EPHX1: variants seen among roughly 807,000 people sequenced by gnomAD.
EPHX1 encodes the protein epoxide hydrolase 1, also known as epoxide hydratase.
In EPHX1, 40 loss-of-function variants were observed where a neutral mutation model predicts 43.2. The ratio of observed to expected loss-of-function variants is 0.93; its 90% CI spans 0.72 to 1.21. The LOEUF (loss-of-function observed/expected upper bound fraction) is 1.21, where lower values mean the gene tolerates loss of function less well. Ranked by LOEUF, EPHX1 falls within the 50% of genes most tolerant of loss-of-function variation. EPHX1 has a pLI of 0.00. For synonymous variants in EPHX1, 221 were observed against 226.7 expected, an observed-to-expected ratio of 0.98 and a Z score of 0.22; for missense variants, 550 against 570.4, an observed-to-expected ratio of 0.96 and a Z score of 0.36.
At chr1:225,819,392 C>T (rs777310541) in intron 1 of EPHX1, among the ~76,000 whole-genome samples, 4 of 150,806 alleles carry the variant, frequency 2.7e-5, no homozygotes, top group African/African-American at 4.9e-5. Flanking sequence ...CAGAGAGAGA[C>T]TCCATCTAAA....
rs191197284 is a variant in EPHX1, at chr1:225,842,735, C to T, written c.1040+261C>T. Among the ~76,000 whole-genome samples, 953 of 152,298 alleles carry T rather than the reference C, an allele frequency of 6.3e-3. 2 individuals are homozygous for T. The highest frequency in any genetic ancestry group is 0.011 in the Non-Finnish European group (721 of 68,036). On this transcript the variant is annotated intron_variant, in intron 7 of 8. Transcript: ENST00000272167. ...CTTGTGCTCCTTTTGCTGAACAGGC[C>T]CCTCTGGGGATTAGGGAGCCCACAG...
Position 225,817,956 on chromosome 1 carries a change from A to T in EPHX1, c.-6+7787A>T, listed in dbSNP as rs1666803410. Among the ~76,000 whole-genome samples the T allele has an allele frequency of 6.6e-6, 1 of 152,094 alleles. No individual in the cohort carries two copies. The highest frequency in any genetic ancestry group is 1.5e-5 in the Non-Finnish European group (1 of 68,012). On this transcript the variant is annotated intron_variant, in intron 1 of 8. Coordinates refer to ENST00000272167, the MANE Select transcript of EPHX1 (RefSeq NM_001136018.4). This position sits in a 1 kb window ranked among gnomAD's most constrained non-coding sequence, Gnocchi z 5.7. ...AGGGGAGTCTTTGGGCAGGCGGTAG[A>T]CCTGCCCTTTACTTTGTGTGGCCGG... is the stretch of plus-strand genomic sequence containing the variant.
At chr1:225,812,489 T>C (rs1376789615) in intron 1 of EPHX1, among the ~76,000 whole-genome samples, 1 of 151,778 alleles carries the variant, frequency 6.6e-6, no homozygotes, top group East Asian at 1.9e-4. Flanking sequence ...GGAGGTGGAG[T>C]GACTCTCCTG....
At chr1:225,831,692 G>C in intron 2 of EPHX1, 87 bp from the exon 3 acceptor site, 1 of 1,375,874 alleles carries the variant, frequency 7.3e-7, no homozygotes, top group East Asian at 2.3e-5. Flanking sequence ...TGGCTGCAGG[G>C]TTTGCTGTGT....
At chr1:225,844,765 A>G in intron 8 of EPHX1, 142 bp downstream of exon 8, 2 of 1,376,306 alleles carry the variant, frequency 1.5e-6, no homozygotes, top group Non-Finnish European at 2.0e-6. Flanking sequence ...GGATGGGAAC[A>G]CTAAAGGTCG....
chr1:225,828,095 C>T (rs973810542), intron 1 of EPHX1, among the ~76,000 whole-genome samples: 1 of 152,178 alleles, frequency 6.6e-6, no homozygotes, highest in African/African-American at 2.4e-5. Flanking sequence ...CCTGTAATCC[C>T]AGCACTTTGG....
rs1191284204 is a variant in EPHX1, at chr1:225,839,305, G to C, written c.681G>C (p.Trp227Cys). The C allele has an allele frequency of 3.1e-6, 5 of 1,613,964 alleles. No homozygotes were observed. In the African/African-American group the frequency reaches 5.3e-5, roughly 17 times the overall value. ...FQEFYIQGGD[W>C]GSLICTNMAQ... Reference sequence around the variant, plus strand: ...AATTCTACATTCAAGGAGGGGACTGGGGGTCCCTGATCTGCACTAATATGG... The same window carrying C: ...AATTCTACATTCAAGGAGGGGACTGCGGGTCCCTGATCTGCACTAATATGG... The change falls in exon 5 of 9, where the codon TGG becomes TGC. Residue 227 changes from tryptophan (W) to cysteine (C), a missense_variant. Coordinates refer to ENST00000272167, the MANE Select transcript of EPHX1 (RefSeq NM_001136018.4).
At chr1:225,831,981 C>T (rs1183394338) in intron 3 of EPHX1, 22 bp downstream of exon 3, 23 of 1,611,644 alleles carry the variant, frequency 1.4e-5, no homozygotes, top group Non-Finnish European at 1.8e-5. Context: ...AAACGCCAGC[C>T]AGAGAGGGAT....
chr1:225,828,963 C>G, intron 2 of EPHX1, 51 bp downstream of exon 2: 1 of 1,547,824 alleles, frequency 6.5e-7, no homozygotes, highest in Non-Finnish European at 8.7e-7. Flanking sequence ...GGTGGTGTGT[C>G]GAAGACAGGG....
intron 1 of EPHX1, among the ~76,000 whole-genome samples, chr1:225,819,324 G>A (rs896631671): frequency 1.3e-5 from 2 of 151,674 alleles, no homozygotes; most frequent in African/African-American, 4.9e-5. Context: ...AGACTTGCTT[G>A]AACCAGGGCG....
At position 225,831,892 on chromosome 1, in the gene EPHX1, T is replaced by G; in HGVS notation, c.297T>G (p.Asn99Lys). 3 of 1,614,162 alleles carry G rather than the reference T, an allele frequency of 1.9e-6. No homozygotes were observed. Among genetic ancestry groups the G allele is most frequent in the Non-Finnish European group, 1.7e-6 (2 of 1,180,038 alleles). Residue 99 changes from asparagine (N) to lysine (K), a missense_variant, in exon 3 of 9, where the codon AAT becomes AAG. Asn to Lys is a moderately conservative substitution (Grantham distance 94). Transcript: ENST00000272167. ...AGAAAGTCATCTCCTACTGGCGGAA[T>G]GAATTTGACTGGAAGAAGCAGGTGG... ...YLKKVISYWR[N>K]EFDWKKQVEI...
chr1:225,811,235 T>A (rs2102669715), intron 1 of EPHX1, among the ~76,000 whole-genome samples: 1 of 152,358 alleles, frequency 6.6e-6, no homozygotes, highest in African/African-American at 2.4e-5. Context: ...TCTGGCTCCT[T>A]CCTTGCCCTG....
chr1:225,840,678 C>T lies in EPHX1; in HGVS notation c.931+641C>T, dbSNP rs1158020080. Among the ~76,000 whole-genome samples the T allele has an allele frequency of 2.6e-5, 4 of 152,152 alleles. No individual in the cohort carries two copies. In the East Asian group the frequency reaches 7.7e-4, roughly 29 times the overall value. On this transcript the variant is annotated intron_variant, in intron 6 of 8. Coordinates refer to ENST00000272167, the MANE Select transcript of EPHX1 (RefSeq NM_001136018.4). ...CTATGAACAAGAGTCATTCGCATTA[C>T]CCTCAGTTCTTTACAATTCACAGAA...
chr1:225,838,764 A>G lies in EPHX1; in HGVS notation c.475A>G (p.Lys159Glu). 2 of 1,614,072 alleles carry G rather than the reference A, an allele frequency of 1.2e-6. No individual in the cohort carries two copies. Among genetic ancestry groups the G allele is most frequent in the Non-Finnish European group, 1.7e-6 (2 of 1,180,004 alleles). Reference sequence around the variant, plus strand: ...GCCCGGCTCTTTCTACGAGTTTTATAAGATCATCCCACTCCTGACTGACCC... The same window carrying G: ...GCCCGGCTCTTTCTACGAGTTTTATGAGATCATCCCACTCCTGACTGACCC... ...GWPGSFYEFY[K>E]IIPLLTDPKN... Residue 159 changes from lysine (K) to glutamate (E), a missense_variant, in exon 4 of 9, where the codon AAG becomes GAG. Transcript: ENST00000272167.
chr1:225,829,050 T>A, intron 2 of EPHX1, 138 bp downstream of exon 2: 1 of 1,073,176 alleles, frequency 9.3e-7, no homozygotes, highest in Non-Finnish European at 1.3e-6. Context: ...TGTTTCAGTC[T>A]GCTTTTCCTC....
At chr1:225,820,489 G>C (rs1278572076) in intron 1 of EPHX1, among the ~76,000 whole-genome samples, 1 of 152,178 alleles carries the variant, frequency 6.6e-6, no homozygotes. Flanking sequence ...GGGTCAGCTC[G>C]TGATGAAGTA....
At chr1:225,839,804 C>T (rs1255471079) in intron 5 of EPHX1, 25 bp from the exon 6 acceptor site, 4 of 1,611,592 alleles carry the variant, frequency 2.5e-6, no homozygotes, top group Middle Eastern at 2.0e-4. Context: ...CCCAGCCTCA[C>T]CCCGGCCCCT....
chr1:225,840,765 G>C (rs1668330410), intron 6 of EPHX1: 1 of 153,578 alleles, frequency 6.5e-6, no homozygotes, highest in African/African-American at 2.4e-5. Flanking sequence ...CAGTCCGGAA[G>C]GTCTGCTAGG....
At chr1:225,832,511 G>A (rs1358935180) in intron 3 of EPHX1, among the ~76,000 whole-genome samples, 1 of 152,234 alleles carries the variant, frequency 6.6e-6, no homozygotes, top group African/African-American at 2.4e-5. Flanking sequence ...CTCCAGCCTG[G>A]GCTCCATCTC....
Sources: allele counts gnomAD v4.1 joint callset (sites outside exome capture counted in the v4.1 genomes callset), GRCh38; gene constraint gnomAD v4.1.1; non-coding constraint Gnocchi (gnomAD v3.1); transcripts MANE v1.5; gene names NCBI Gene and HGNC (gene_info 2026-07-23, HGNC 2026-07-21).